Variants in TRMT44 observed in about 807,000 individuals in gnomAD.
The protein encoded by TRMT44 is tRNA methyltransferase 44 homolog.
TRMT44 carries 78 observed loss-of-function variants against 77.3 expected under a neutral mutation model. That is an observed-to-expected ratio of 1.01 (90% CI 0.84 to 1.22). TRMT44 has a LOEUF of 1.22. Ranked by LOEUF, TRMT44 falls within the 50% of genes most tolerant of loss-of-function variation. TRMT44 has a pLI of 0.00. For synonymous variants in TRMT44, 391 were observed against 383.3 expected (o/e 1.02, Z -0.23); for missense variants, 1,090 against 964.4 (o/e 1.13, Z -1.73).
chr4:8,444,915 T>G lies in TRMT44; in HGVS notation c.620-1561T>G, dbSNP rs1190904652. ...AAATTTTAAAAATCGAAATTTATCA[T>G]TGTGTAGCGACAACAGTGACAGCAG... On this transcript the variant is annotated intron_variant, in intron 1 of 10. Transcript: ENST00000389737. This position sits in a 1 kb window ranked among gnomAD's most constrained non-coding sequence, Gnocchi z 4.0. Among the ~76,000 whole-genome samples, 2 of 152,220 alleles carry G rather than the reference T, an allele frequency of 1.3e-5. No homozygotes were observed. The highest frequency in any genetic ancestry group is 4.8e-5 in the African/African-American group (2 of 41,454).
chr4:8,455,449 C>T (rs191183810), intron 6 of TRMT44, among the ~76,000 whole-genome samples: 6 of 152,366 alleles, frequency 3.9e-5, no homozygotes, highest in Non-Finnish European at 8.8e-5. Flanking sequence ...GTAGGGCAGA[C>T]TGTGCAGTCC....
chr4:8,467,089 C>T (rs896505225), intron 8 of TRMT44, among the ~76,000 whole-genome samples: 1 of 152,214 alleles, frequency 6.6e-6, no homozygotes, highest in Non-Finnish European at 1.5e-5. Flanking sequence ...CACCCTCCAT[C>T]GGGGTGTGCG....
At chr4:8,475,520 G>A (rs1407869170) in intron 10 of TRMT44, among the ~76,000 whole-genome samples, 1 of 152,136 alleles carries the variant, frequency 6.6e-6, no homozygotes, top group Non-Finnish European at 1.5e-5. Flanking sequence ...CTCTTCCTGG[G>A]TCTGCGCAGG....
At chr4:8,490,545 A>AGTGT (rs1577069257) in intron 2 of TRMT44, among the ~76,000 whole-genome samples, 1 of 150,974 alleles carries the variant, frequency 6.6e-6, no homozygotes, top group East Asian at 1.9e-4. Context: ...CTTCGCGGTG[A>AGTGT]GTGTTACAGT....
Position 8,446,546 on chromosome 4 carries a change from G to T in TRMT44, c.690G>T (p.Met230Ile). ...EDDEGNLKVKMSNVYQIQLSH... is the reference protein window; with the variant it reads ...EDDEGNLKVKISNVYQIQLSH... Reference sequence around the variant, plus strand: ...ATGAGGGGAACCTAAAGGTTAAGATGAGCAATGTGTATCAAATTCAGCTCA... The same window carrying T: ...ATGAGGGGAACCTAAAGGTTAAGATTAGCAATGTGTATCAAATTCAGCTCA... The change falls in exon 2 of 11, where the codon ATG becomes ATT. Residue 230 changes from methionine to isoleucine, a missense_variant. Physicochemically the swap from Met to Ile is conservative, Grantham distance 10. Transcript: ENST00000389737. The surrounding 1 kb of genome is among the most constrained non-coding windows in gnomAD (Gnocchi z 4.3). 6.5e-7 allele frequency: 1 copy of T among 1,536,338 alleles called. No homozygotes were observed. The highest frequency in any genetic ancestry group is 8.7e-7 in the Non-Finnish European group (1 of 1,146,900).
the TRMT44 span, chr4:8,512,730 G>A: frequency 6.6e-6 from 1 of 152,162 alleles, no homozygotes; most frequent in Non-Finnish European, 1.5e-5. Context: ...TGTCCTTCAT[G>A]GGTTTTCAAA....
chr4:8,471,006 G>A, intron 9 of TRMT44, 78 bp from the exon 10 acceptor site: 2 of 987,296 alleles, frequency 2.0e-6, no homozygotes, highest in African/African-American at 1.6e-5. Flanking sequence ...GAACTGAAAT[G>A]GACTGTTTCT....
rs952844883 is a variant in TRMT44, at chr4:8,461,489, GC to G, written c.1204-2493del. Among the ~76,000 whole-genome samples, 1 of 152,200 alleles carries G rather than the reference GC, an allele frequency of 6.6e-6. No individual in the cohort carries two copies. Among genetic ancestry groups the G allele is most frequent in the Non-Finnish European group, 1.5e-5 (1 of 68,042 alleles). On this transcript the variant is annotated intron_variant, in intron 6 of 10. Transcript: ENST00000389737. The surrounding 1 kb of genome is among the most constrained non-coding windows in gnomAD (Gnocchi z 4.6). The stretch of plus-strand genomic sequence containing the variant: ...AGCAGTGAGTAGGCCATCTGTGTAA[GC>G]CCAGACCCTAGGGAAGAGCTGGCTG...
Position 8,449,813 on chromosome 4 carries a change from C to A in TRMT44, c.879C>A (p.Thr293=). The A allele has an allele frequency of 6.5e-7, 1 of 1,535,868 alleles. No homozygotes were observed. The highest frequency in any genetic ancestry group is 8.7e-7 in the Non-Finnish European group (1 of 1,146,846). ...ACAAGAAGAGTGACTTTAAAAGCAC[C>A]CTTTCCCTCATCTCCATTATGAAGT... The part of the protein sequence containing the change: ...VENKKSDFKS[T]LSLISIMKYS... Residue 293 remains threonine (T), a synonymous_variant, in exon 3 of 11, where the codon ACC becomes ACA. Transcript: ENST00000389737.
chr4:8,460,319 G>GA (rs1001903154), intron 6 of TRMT44, among the ~76,000 whole-genome samples: 5 of 151,964 alleles, frequency 3.3e-5, no homozygotes, highest in African/African-American at 1.2e-4. Context: ...TTTATGAGAT[G>GA]AAAAAATGTT....
intron 10 of TRMT44, among the ~76,000 whole-genome samples, chr4:8,471,970 G>A (rs989495008): frequency 6.6e-6 from 1 of 151,820 alleles, no homozygotes; most frequent in African/African-American, 2.4e-5. Context: ...GTTTACCAGC[G>A]CCAGCGGCTG....
intron 2 of TRMT44, among the ~76,000 whole-genome samples, chr4:8,482,861 A>G (rs1261042010): frequency 2.1e-5 from 3 of 143,622 alleles, no homozygotes; most frequent in Admixed American, 7.0e-5. Flanking sequence ...TTCTTATAAT[A>G]ATAAGAAAAA....
At chr4:8,490,802 GC>G (rs1434969174) in intron 2 of TRMT44, among the ~76,000 whole-genome samples, 1 of 152,156 alleles carries the variant, frequency 6.6e-6, no homozygotes. Context: ...CTCTTATCTG[GC>G]CCCACCCACA....
rs556058978 is a variant in TRMT44 at position 8,461,547 on chromosome 4, C to T, written c.1204-2438C>T. ...GTGCCCCTTGGAGAACGGGCGGAGG[C>T]TCTAGTTCTTTAGCTGAGGTTTCCC... On this transcript the variant is annotated intron_variant, in intron 6 of 10. Coordinates refer to ENST00000389737, the MANE Select transcript of TRMT44 (RefSeq NM_152544.3). This position sits in a 1 kb window ranked among gnomAD's most constrained non-coding sequence, Gnocchi z 4.6. Among the ~76,000 whole-genome samples the T allele has an allele frequency of 8.7e-4, 133 of 152,218 alleles. No individual in the cohort carries two copies. Among genetic ancestry groups the T allele is most frequent in the African/African-American group, 3.1e-3 (129 of 41,530 alleles).
intron 6 of TRMT44, among the ~76,000 whole-genome samples, chr4:8,459,323 A>G (rs535886375): frequency 2.7e-4 from 41 of 152,346 alleles, no homozygotes; most frequent in Admixed American, 3.9e-4. Flanking sequence ...CTGTGTGTGG[A>G]TGCCTTTCTA....
At position 8,441,184 on chromosome 4, in the gene TRMT44, T is replaced by G. The variant is rs930858483; in HGVS notation, c.362T>G (p.Leu121Arg). Reference sequence around the variant, plus strand: ...CAGAGGGAAGCCGCCTCAGTGCCCCTGAGGGACTCCGGGCACCCCGGCCAT... The same window carrying G: ...CAGAGGGAAGCCGCCTCAGTGCCCCGGAGGGACTCCGGGCACCCCGGCCAT... ...EAQREAASVPLRDSGHPGHAE... is the reference protein window; with the variant it reads ...EAQREAASVPRRDSGHPGHAE... Residue 121 changes from leucine (L) to arginine (R), a missense_variant, in exon 1 of 11, where the codon CTG becomes CGG. Physicochemically the swap from Leu to Arg is moderately radical, Grantham distance 102. Transcript: ENST00000389737. 2.6e-6 allele frequency: 4 copies of G among 1,534,408 alleles called. No individual in the cohort carries two copies. The African/African-American group carries it at 4.1e-5, about 16-fold the overall frequency.
rs758715252 is a variant in TRMT44 at position 8,452,850 on chromosome 4, C to T, written c.1024-32C>T. The T allele has an allele frequency of 5.9e-6, 8 of 1,347,568 alleles. No homozygotes were observed. The highest frequency in any genetic ancestry group is 8.1e-6 in the Non-Finnish European group (8 of 988,422). The allele number at this position is 1,347,568 out of a possible 1,614,324, so 83.5% of individuals were successfully genotyped here. On this transcript the variant is annotated intron_variant, in intron 4 of 10. Transcript: ENST00000389737. This position sits in a 1 kb window ranked among gnomAD's most constrained non-coding sequence, Gnocchi z 5.7. ...TATTCTTGCGTAGAGTGAATTACCA[C>T]CTGACTTTGTTTTGTTTTTCTCTTC...
chr4:8,468,124 AG>A lies in TRMT44; in HGVS notation c.1708del (p.Ala570ProfsTer29). ...ALDARVGCVT[R>X]AWAAEHGAGP... is the part of the protein sequence containing the mutation. ...GGACGCCAGGGTCGGGTGTGTAACC[AG>A]GGCCTGGGCCGCTGAGCATGGAGCA... On this transcript the variant is annotated frameshift_variant, in exon 9 of 11. Transcript: ENST00000389737. LOFTEE classifies it high-confidence loss of function. 6.2e-7 allele frequency: 1 copy of A among 1,613,956 alleles called. No homozygotes were observed. The highest frequency in any genetic ancestry group is 8.5e-7 in the Non-Finnish European group (1 of 1,179,988).
chr4:8,489,524 T>G (rs1258459976), intron 2 of TRMT44, among the ~76,000 whole-genome samples: 4 of 152,180 alleles, frequency 2.6e-5, no homozygotes, highest in Admixed American at 2.0e-4. Context: ...TCACCCAGGC[T>G]GGAGTTCAGT....
Sources: gnomAD v4.1 joint callset for allele counts (sites outside exome capture counted in the v4.1 genomes callset) on GRCh38, gnomAD v4.1.1 for gene constraint, Gnocchi (gnomAD v3.1) non-coding constraint, MANE v1.5 for transcripts, NCBI Gene and HGNC (gene_info 2026-07-23, HGNC 2026-07-21) for gene names.